HUNK: variants seen among roughly 807,000 people sequenced by gnomAD.
The protein encoded by HUNK is hormonally up-regulated neu tumor-associated kinase.
A neutral mutation model predicts 61.0 loss-of-function variants in HUNK; 21 were observed. The ratio of observed to expected loss-of-function variants is 0.34; its 90% CI spans 0.24 to 0.50. HUNK has a LOEUF of 0.50. Among genes scored for constraint, HUNK ranks in the 20% least tolerant of loss-of-function variants. HUNK has a pLI of 0.98. For synonymous variants in HUNK, 371 were observed against 386.1 expected, an observed-to-expected ratio of 0.96 and a Z score of 0.46; for missense variants, 772 against 945.7, an observed-to-expected ratio of 0.82 and a Z score of 2.41.
chr21:31,892,426 C>G (rs1388189448), intron 1 of HUNK, among the ~76,000 whole-genome samples: 4 of 151,160 alleles, frequency 2.6e-5, no homozygotes, highest in African/African-American at 7.3e-5. Context: ...AAAAATTAGC[C>G]AAGCCTGGTG....
At chr21:31,988,646 T>C (rs2053149855) in intron 8 of HUNK, among the ~76,000 whole-genome samples, 1 of 133,292 alleles carries the variant, frequency 7.5e-6, no homozygotes, top group Admixed American at 7.1e-5. Context: ...CCCTCATTTT[T>C]CTCTCTTTTC....
intron 1 of HUNK, among the ~76,000 whole-genome samples, chr21:31,881,126 T>C (rs2052303517): frequency 6.6e-6 from 1 of 152,208 alleles, no homozygotes; most frequent in African/African-American, 2.4e-5. Flanking sequence ...GGCAGTCAGT[T>C]CTTCAGCACT....
At position 31,898,593 on chromosome 21, in the gene HUNK, G is replaced by T. The variant is rs114816195; in HGVS notation, c.261+24658G>T. ...TGGATTTTTTATTAGGGCAAAAATA[G>T]GTGGACTGAATGTGCCTTTTTCAGC... On this transcript the variant is annotated intron_variant, in intron 1 of 10. Coordinates refer to ENST00000270112, the MANE Select transcript of HUNK (RefSeq NM_014586.2). Among the ~76,000 whole-genome samples the T allele has an allele frequency of 7.3e-3, 1,115 of 152,244 alleles. 12 individuals carry two copies. The highest frequency in any genetic ancestry group is 0.025 in the African/African-American group (1,050 of 41,542).
intron 10 of HUNK, among the ~76,000 whole-genome samples, chr21:31,997,188 G>A (rs377294545): frequency 1.4e-4 from 21 of 152,204 alleles, no homozygotes; most frequent in African/African-American, 4.1e-4. Context: ...AGCTTATTCC[G>A]CATGAACTTG....
intron 1 of HUNK, among the ~76,000 whole-genome samples, chr21:31,878,940 C>T (rs1455369657): frequency 6.6e-6 from 1 of 152,170 alleles, no homozygotes; most frequent in Non-Finnish European, 1.5e-5. Context: ...ATATCTTGTT[C>T]TAACCCTTGG....
Position 31,873,959 on chromosome 21 carries a change from G to T in HUNK, c.261+24G>T. ...AGGTGAGTCTCCCGGGCGCCGTGGG[G>T]CTGGGGCACAGGGGCGGGAGTCGGC... is the stretch of plus-strand genomic sequence containing the variant. On this transcript the variant is annotated intron_variant, in intron 1 of 10. Transcript: ENST00000270112. The surrounding 1 kb of genome is among the most constrained non-coding windows in gnomAD (Gnocchi z 6.1). 1 of 1,467,424 alleles carries T rather than the reference G, an allele frequency of 6.8e-7. No individual in the cohort carries two copies. Among genetic ancestry groups the T allele is most frequent in the South Asian group, 1.4e-5 (1 of 73,842 alleles). 90.9% of individuals were successfully genotyped at this position (1,467,424 alleles called of 1,614,324 possible). A position where few individuals can be genotyped will look rare whatever the true frequency, so the allele number is the denominator to read the frequency against.
Position 31,911,246 on chromosome 21 carries a change from C to T in HUNK, c.262-13222C>T, listed in dbSNP as rs73900712. On this transcript the variant is annotated intron_variant, in intron 1 of 10. Coordinates refer to ENST00000270112, the MANE Select transcript of HUNK (RefSeq NM_014586.2). The stretch of plus-strand genomic sequence containing the variant: ...TCTCTTCCCTTCTGGGGCTTCTAAG[C>T]GTCAGGCAGATTCCATGCTCACTCA... Among the ~76,000 whole-genome samples, 614 of 152,290 alleles carry T rather than the reference C, an allele frequency of 4.0e-3. 2 individuals carry two copies. The highest frequency in any genetic ancestry group is 0.013 in the African/African-American group (549 of 41,570).
rs2053034919 is a variant in HUNK, at chr21:31,974,542, C to A, written c.1011-13C>A. On this transcript the variant is annotated splice_polypyrimidine_tract_variant and intron_variant, in intron 6 of 10. Transcript: ENST00000270112. ...TGCAGGGGTGACTGGTCCTCTCTCTCTGCACCTCGCAGGATTTCTCTGGAA... is the reference window on the plus strand; with the variant it reads ...TGCAGGGGTGACTGGTCCTCTCTCTATGCACCTCGCAGGATTTCTCTGGAA... The A allele has an allele frequency of 6.8e-6, 11 of 1,609,816 alleles. No homozygotes were observed. The highest frequency in any genetic ancestry group is 9.3e-6 in the Non-Finnish European group (11 of 1,178,054).
chr21:31,893,918 G>C (rs1186029234), intron 1 of HUNK, among the ~76,000 whole-genome samples: 1 of 152,158 alleles, frequency 6.6e-6, no homozygotes, highest in African/African-American at 2.4e-5. Context: ...TTTCCAATGT[G>C]CATCGAAGGC....
chr21:31,880,188 C>T (rs1033557772), intron 1 of HUNK, among the ~76,000 whole-genome samples: 2 of 152,154 alleles, frequency 1.3e-5, no homozygotes, highest in Non-Finnish European at 2.9e-5. Flanking sequence ...TTGTTAGATG[C>T]CTGCAGCAGC....
chr21:31,891,619 A>T (rs2052388227), intron 1 of HUNK, among the ~76,000 whole-genome samples: 1 of 152,236 alleles, frequency 6.6e-6, no homozygotes, highest in Admixed American at 6.5e-5. Context: ...GGCTGAACTT[A>T]AAATATGTAA....
chr21:31,891,237 C>T (rs1165520151), intron 1 of HUNK, among the ~76,000 whole-genome samples: 5 of 152,176 alleles, frequency 3.3e-5, no homozygotes, highest in East Asian at 1.9e-4. Flanking sequence ...ATTAGCTGGG[C>T]GTGGTGGCCC....
chr21:31,885,263 G>C (rs1181191070), intron 1 of HUNK, among the ~76,000 whole-genome samples: 3 of 152,224 alleles, frequency 2.0e-5, no homozygotes, highest in Non-Finnish European at 4.4e-5. Context: ...ACAGGTATTA[G>C]TACATTAATG....
chr21:31,979,465 A>G (rs1321842373), intron 7 of HUNK, among the ~76,000 whole-genome samples: 2 of 125,858 alleles, frequency 1.6e-5, no homozygotes, highest in African/African-American at 3.1e-5. Flanking sequence ...TTCAGATCCT[A>G]TGTGCACTTT....
At chr21:31,875,731 A>G (rs2052256897) in intron 1 of HUNK, among the ~76,000 whole-genome samples, 1 of 152,182 alleles carries the variant, frequency 6.6e-6, no homozygotes, top group African/African-American at 2.4e-5. Flanking sequence ...TATAGGATTC[A>G]GGCTGGTTGT....
chr21:32,003,004 A>AG lies in HUNK; in HGVS notation c.*3823dup, dbSNP rs1485745920. The AG allele has an allele frequency of 6.6e-6, 1 of 152,222 alleles. No individual in the cohort carries two copies. The highest frequency in any genetic ancestry group is 1.5e-5 in the Non-Finnish European group (1 of 68,038). The allele number at this position is 152,222 out of a possible 1,614,324, so 9.4% of individuals were successfully genotyped here. A position where few individuals can be genotyped will look rare whatever the true frequency, so the allele number is the denominator to read the frequency against. On this transcript the variant is annotated 3_prime_UTR_variant, in exon 11 of 11. Transcript: ENST00000270112. ...GGCTCAGCCCCAGCCTTTCTGAAGA[A>AG]GGGAAAACTAGGGACCCAGATGGTT...
chr21:31,974,511 G>T (rs201678062), intron 6 of HUNK, 44 bp from the exon 7 acceptor site: 1 of 1,564,678 alleles, frequency 6.4e-7, no homozygotes, highest in South Asian at 1.2e-5. Context: ...GGGGCTCTCC[G>T]TGAAGTGCAG....
intron 6 of HUNK, among the ~76,000 whole-genome samples, chr21:31,968,842 TTGTGTGTGTG>T (rs56695834): frequency 0.12 from 17,448 of 140,468 alleles, 1,416 homozygotes; most frequent in African/African-American, 0.22. Flanking sequence ...GTGTGTAAAT[TTGTGTGTGTG>T]TGTGTGTGTG....
intron 2 of HUNK, among the ~76,000 whole-genome samples, chr21:31,932,716 G>T (rs1165935524): frequency 6.6e-6 from 1 of 151,820 alleles, no homozygotes; most frequent in Admixed American, 6.6e-5. Context: ...AGCAGAGAAG[G>T]GTCCTGAAGC....
Sources: gnomAD v4.1 joint callset for allele counts (sites outside exome capture counted in the v4.1 genomes callset) on GRCh38, gnomAD v4.1.1 for gene constraint, Gnocchi (gnomAD v3.1) non-coding constraint, MANE v1.5 for transcripts, NCBI Gene and HGNC (gene_info 2026-07-23, HGNC 2026-07-21) for gene names.